The following MARCHF10 variants were observed in gnomAD, a reference collection of about 807,000 sequenced individuals.
MARCHF10 encodes the protein probable E3 ubiquitin-protein ligase MARCHF10.
A neutral mutation model predicts 76.2 loss-of-function variants in MARCHF10; 64 were observed. The ratio of observed to expected loss-of-function variants is 0.84; its 90% CI spans 0.69 to 1.03. The LOEUF (loss-of-function observed/expected upper bound fraction) is 1.03. Ranked by LOEUF, MARCHF10 falls within the 50% of genes least tolerant of loss-of-function variation. The probability of loss-of-function intolerance (pLI) is 0.00; values close to 1 mark genes in which losing one functional copy is unlikely to be tolerated. For synonymous variants in MARCHF10, 340 were observed against 357.5 expected (o/e 0.95, Z 0.55); for missense variants, 875 against 958.0 (o/e 0.91, Z 1.14).
intron 8 of MARCHF10, among the ~76,000 whole-genome samples, chr17:62,720,606 TTC>T (rs2090432991): frequency 1.3e-5 from 1 of 77,582 alleles, no homozygotes; most frequent in East Asian, 3.1e-4. Flanking sequence ...AATGGTTACT[TTC>T]CCCCTCCCCC....
intron 4 of MARCHF10, among the ~76,000 whole-genome samples, chr17:62,751,054 GCGAA>G (rs2091883823): frequency 6.6e-6 from 1 of 152,170 alleles, no homozygotes; most frequent in East Asian, 1.9e-4. Context: ...GCGGGATCAT[GCGAA>G]GGGAGAAAAA....
intron 3 of MARCHF10, among the ~76,000 whole-genome samples, chr17:62,761,095 T>A (rs1048298460): frequency 6.6e-6 from 1 of 152,216 alleles, no homozygotes; most frequent in Admixed American, 6.5e-5. Context: ...GGGTGTGATG[T>A]AAGACAAACT....
intron 2 of MARCHF10, among the ~76,000 whole-genome samples, chr17:62,792,395 T>C (rs1221557688): frequency 1.3e-5 from 2 of 152,046 alleles, no homozygotes; most frequent in Admixed American, 6.5e-5. Context: ...ATTGTTGATA[T>C]GTTAACATCA....
chr17:62,793,481 CCACCTCCAT>C (rs2092918468), intron 2 of MARCHF10, among the ~76,000 whole-genome samples: 1 of 136,900 alleles, frequency 7.3e-6, no homozygotes, highest in Non-Finnish European at 1.6e-5. Context: ...ACCATCACCA[CCACCTCCAT>C]CACCACCACC....
At chr17:62,740,049 A>AGT (rs112894135) in intron 5 of MARCHF10, among the ~76,000 whole-genome samples, 4,632 of 145,432 alleles carry the variant, frequency 0.032, 91 homozygotes, top group East Asian at 0.11. Context: ...GCTTCTCTGC[A>AGT]GTGTGTGTGT....
chr17:62,787,229 A>T (rs1264260779), intron 3 of MARCHF10, among the ~76,000 whole-genome samples: 1 of 152,208 alleles, frequency 6.6e-6, no homozygotes, highest in East Asian at 1.9e-4. Flanking sequence ...AATAGAGAGC[A>T]TATCTCTCTC....
Position 62,713,518 on chromosome 17 carries a change from G to A in MARCHF10, c.2215-2174C>T, listed in dbSNP as rs185242805. On this transcript the variant is annotated intron_variant, in intron 8 of 10. Coordinates refer to ENST00000311269, the MANE Select transcript of MARCHF10 (RefSeq NM_152598.4). ...CAGTGCCATCAATCTCGCCGGCTCGGTTCCTTTATGTGCGCCCTTTGCAGA... is the reference window on the plus strand; with the variant it reads ...CAGTGCCATCAATCTCGCCGGCTCGATTCCTTTATGTGCGCCCTTTGCAGA... Among the ~76,000 whole-genome samples the A allele has an allele frequency of 5.8e-4, 88 of 152,332 alleles. 1 individual carries two copies. Among genetic ancestry groups the A allele is most frequent in the African/African-American group, 1.9e-3 (81 of 41,578 alleles).
chr17:62,791,662 T>C (rs1295430792), intron 2 of MARCHF10, among the ~76,000 whole-genome samples: 5 of 152,128 alleles, frequency 3.3e-5, no homozygotes, highest in African/African-American at 1.2e-4. Flanking sequence ...CAAACATGAA[T>C]CCTCTCAAAG....
intron 3 of MARCHF10, among the ~76,000 whole-genome samples, chr17:62,785,046 A>G (rs865945658): frequency 2.0e-5 from 3 of 152,186 alleles, no homozygotes; most frequent in Admixed American, 6.5e-5. Flanking sequence ...TATGGAACCA[A>G]AAAAAGAACC....
intron 2 of MARCHF10, among the ~76,000 whole-genome samples, chr17:62,801,179 G>A (rs1032977636): frequency 2.0e-5 from 3 of 151,982 alleles, no homozygotes; most frequent in East Asian, 3.9e-4. Context: ...TTTTTGAGAC[G>A]GAGGAGTCTC....
At chr17:62,771,227 A>G (rs748174145) in intron 3 of MARCHF10, among the ~76,000 whole-genome samples, 8 of 152,144 alleles carry the variant, frequency 5.3e-5, no homozygotes, top group African/African-American at 9.7e-5. Context: ...ATGAACACCC[A>G]TAAGAACATG....
intron 4 of MARCHF10, among the ~76,000 whole-genome samples, chr17:62,753,876 G>C (rs569264183): frequency 6.6e-6 from 1 of 152,100 alleles, no homozygotes; most frequent in Non-Finnish European, 1.5e-5. Flanking sequence ...CCCATTACCC[G>C]GCAGGTAAAT....
chr17:62,713,894 C>A (rs1401104163), intron 8 of MARCHF10, among the ~76,000 whole-genome samples: 1 of 152,202 alleles, frequency 6.6e-6, no homozygotes, highest in Non-Finnish European at 1.5e-5. Flanking sequence ...CTCCGGAGAT[C>A]TCAGCCCACC....
At chr17:62,789,006 T>G (rs1361342463) in intron 2 of MARCHF10, among the ~76,000 whole-genome samples, 1 of 127,796 alleles carries the variant, frequency 7.8e-6, no homozygotes, top group African/African-American at 3.0e-5. Flanking sequence ...GAGCTTGCAG[T>G]GAGCCGAGAT....
At chr17:62,766,015 G>A (rs549521938) in intron 3 of MARCHF10, among the ~76,000 whole-genome samples, 9 of 148,048 alleles carry the variant, frequency 6.1e-5, no homozygotes, top group East Asian at 4.1e-4. Context: ...GCAACATAGC[G>A]AGACCTTGTC....
chr17:62,762,838 GC>G (rs1472660547), intron 3 of MARCHF10, among the ~76,000 whole-genome samples: 3 of 152,204 alleles, frequency 2.0e-5, no homozygotes, highest in African/African-American at 7.2e-5. Flanking sequence ...AAGCCACCAC[GC>G]CCGGCCTATC....
At chr17:62,774,048 G>A (rs996927680) in intron 3 of MARCHF10, among the ~76,000 whole-genome samples, 7 of 152,100 alleles carry the variant, frequency 4.6e-5, no homozygotes, top group African/African-American at 1.7e-4. Context: ...AGTGTGGAGC[G>A]GACAATCACA....
chr17:62,733,282 G>A (rs183842008), intron 6 of MARCHF10, among the ~76,000 whole-genome samples: 27 of 152,044 alleles, frequency 1.8e-4, no homozygotes, highest in Non-Finnish European at 7.4e-5. Context: ...AACGTAGTGA[G>A]ACCCCATCTC....
At chr17:62,713,653 A>C (rs2147620800) in intron 8 of MARCHF10, among the ~76,000 whole-genome samples, 1 of 152,350 alleles carries the variant, frequency 6.6e-6, no homozygotes, top group South Asian at 2.1e-4. Flanking sequence ...GGGATTTGTT[A>C]ACTCAAAGAG....
Sources: gnomAD v4.1 joint callset for allele counts (sites outside exome capture counted in the v4.1 genomes callset) on GRCh38, gnomAD v4.1.1 for gene constraint, MANE v1.5 for transcripts, NCBI Gene and HGNC (gene_info 2026-07-23, HGNC 2026-07-21) for gene names.